The following DMD variants were observed in gnomAD, a reference collection of about 807,000 sequenced individuals.
DMD encodes the protein mutant dystrophin.
A neutral mutation model predicts 330.1 loss-of-function variants in DMD; 63 were observed. The observed-to-expected ratio is 0.19, with a 90% CI of 0.16 to 0.24. The LOEUF (loss-of-function observed/expected upper bound fraction) is 0.24. Among genes scored for constraint, DMD ranks in the 10% least tolerant of loss-of-function variants. The probability of loss-of-function intolerance (pLI) is 1.00; values close to 1 mark genes in which losing one functional copy is unlikely to be tolerated. For synonymous variants in DMD, 1,223 were observed against 959.8 expected (o/e 1.27, Z -5.07); for missense variants, 3,344 against 2,684.1 (o/e 1.25, Z -5.43).
chrX:31,218,805 T>C (rs1398309524), intron 64 of DMD, among the ~76,000 whole-genome samples: 1 of 111,636 alleles, frequency 9.0e-6, no homozygotes, highest in East Asian at 2.8e-4. Flanking sequence ...CTGCAGATCC[T>C]CTGGTTGAAC....
At chrX:31,564,841 C>A (rs1467636633) in intron 55 of DMD, among the ~76,000 whole-genome samples, 1 of 111,722 alleles carries the variant, frequency 9.0e-6, no homozygotes, top group Non-Finnish European at 1.9e-5. Flanking sequence ...TTCAACATTG[C>A]TTGAAGTAAT....
intron 64 of DMD, among the ~76,000 whole-genome samples, chrX:31,220,955 T>C (rs1602907609): frequency 9.6e-6 from 1 of 103,667 alleles, no homozygotes. Context: ...TAGTGTATTT[T>C]ATGTGGGGTC....
chrX:31,124,575 T>G (rs1400437489), intron 78 of DMD, among the ~76,000 whole-genome samples: 1 of 111,977 alleles, frequency 8.9e-6, no homozygotes, highest in Non-Finnish European at 1.9e-5. Flanking sequence ...GATTCAGGCA[T>G]TTGCAATCAC....
chrX:33,286,575 T>C (rs771908227), intron 1 of DMD, among the ~76,000 whole-genome samples: 19 of 112,736 alleles, frequency 1.7e-4, no homozygotes, highest in African/African-American at 6.1e-4. Context: ...TGTTCATTAA[T>C]TTAGCTCAAT....
chrX:32,999,081 A>G (rs2093205399), intron 2 of DMD, among the ~76,000 whole-genome samples: 1 of 112,560 alleles, frequency 8.9e-6, no homozygotes, highest in Admixed American at 9.4e-5. Context: ...CAGAACCAGA[A>G]AACAAACAAA....
chrX:31,738,362 A>C (rs1267541457), intron 51 of DMD, among the ~76,000 whole-genome samples: 1 of 112,041 alleles, frequency 8.9e-6, no homozygotes, highest in Non-Finnish European at 1.9e-5. Flanking sequence ...TGAAAATCAA[A>C]ATTACAATGA....
chrX:31,610,189 T>A (rs1471151525), intron 55 of DMD, among the ~76,000 whole-genome samples: 1 of 111,254 alleles, frequency 9.0e-6, no homozygotes, highest in African/African-American at 3.3e-5. Flanking sequence ...ATCACATTCA[T>A]AAGTCAATAT....
chrX:33,270,544 GT>G (rs11356194), intron 1 of DMD, among the ~76,000 whole-genome samples: 21,907 of 110,895 alleles, frequency 0.2, 2,886 homozygotes, highest in African/African-American at 0.46. Flanking sequence ...ACAACAGAGA[GT>G]TAAGTGCCTT....
At position 32,628,492 on chromosome X, in the gene DMD, A is replaced by G. The variant is rs1390887330; in HGVS notation, c.1332-14039T>C. 5.6e-5 allele frequency among the ~76,000 whole-genome samples: 6 copies of G among 107,055 alleles called. No homozygotes were observed. The Admixed American group carries it at 6.1e-4, about 11-fold the overall frequency. The allele number at this position is 107,055 out of a possible 115,157, so 93.0% of individuals were successfully genotyped here. A position where few individuals can be genotyped will look rare whatever the true frequency, so the allele number is the denominator to read the frequency against. ...TCTTTTTGTTTTGTTGATCTTTTGT[A>G]TCATTTTGTTGTACTTTAATGTATT... On this transcript the variant is annotated intron_variant, in intron 11 of 78. Transcript: ENST00000357033.
intron 2 of DMD, among the ~76,000 whole-genome samples, chrX:32,933,143 T>C (rs1037240472): frequency 3.0e-5 from 3 of 98,985 alleles, no homozygotes; most frequent in Non-Finnish European, 4.1e-5. Context: ...TAAGAATGTA[T>C]TTTTAAAAAA....
rs189700969 is a variant in DMD, at chrX:31,405,145, G to T, written c.9084+39336C>A. Among the ~76,000 whole-genome samples the T allele has an allele frequency of 5.4e-5, 6 of 111,968 alleles. No individual in the cohort carries two copies. The East Asian group carries it at 1.1e-3, about 21-fold the overall frequency. The stretch of plus-strand genomic sequence containing the variant: ...CTTATTGATTTAAATTAAGATTTCA[G>T]TTGTGCTTAAGAAACATGTAATGAC... On this transcript the variant is annotated intron_variant, in intron 60 of 78. Transcript: ENST00000357033.
chrX:32,465,636 AGT>A (rs1329801259), intron 23 of DMD, among the ~76,000 whole-genome samples: 7 of 85,493 alleles, frequency 8.2e-5, no homozygotes, highest in Non-Finnish European at 1.1e-4. Flanking sequence ...CCCAGGCTGG[AGT>A]GAAGTGGCAC....
chrX:32,694,005 G>A (rs1303836004), intron 9 of DMD, among the ~76,000 whole-genome samples: 1 of 111,932 alleles, frequency 8.9e-6, no homozygotes, highest in South Asian at 3.7e-4. Context: ...GTACCCTACT[G>A]TTTTCCTAAA....
At chrX:32,616,360 T>A (rs757959007) in intron 11 of DMD, among the ~76,000 whole-genome samples, 1 of 111,316 alleles carries the variant, frequency 9.0e-6, no homozygotes, top group East Asian at 2.8e-4. Flanking sequence ...TTGGAGTTTT[T>A]TCTGCATTGG....
chrX:33,217,646 A>C (rs942581073), intron 1 of DMD, among the ~76,000 whole-genome samples: 1 of 111,838 alleles, frequency 8.9e-6, no homozygotes, highest in African/African-American at 3.2e-5. Context: ...TATGAGATCT[A>C]CCCAACGAAC....
chrX:32,298,095 G>A (rs1434799211), intron 42 of DMD, among the ~76,000 whole-genome samples: 1 of 109,463 alleles, frequency 9.1e-6, no homozygotes, highest in East Asian at 2.9e-4. Flanking sequence ...GGAGCATTGG[G>A]GGTTTTGAAC....
intron 16 of DMD, among the ~76,000 whole-genome samples, chrX:32,551,148 C>A (rs1174824735): frequency 9.0e-6 from 1 of 110,895 alleles, no homozygotes; most frequent in Non-Finnish European, 1.9e-5. Context: ...GAAGCATTGT[C>A]CTGATACCAA....
intron 52 of DMD, among the ~76,000 whole-genome samples, chrX:31,708,697 A>T (rs1359788740): frequency 8.9e-6 from 1 of 111,971 alleles, no homozygotes; most frequent in Non-Finnish European, 1.9e-5. Flanking sequence ...CCAAAAATTA[A>T]TGTTTTAATA....
intron 55 of DMD, among the ~76,000 whole-genome samples, chrX:31,567,597 C>T (rs959651866): frequency 9.0e-6 from 1 of 111,263 alleles, no homozygotes; most frequent in Non-Finnish European, 1.9e-5. Context: ...TAAACTTTGA[C>T]GCATGTTATT....
Sources: allele counts gnomAD v4.1 joint callset (sites outside exome capture counted in the v4.1 genomes callset), GRCh38; gene constraint gnomAD v4.1.1; transcripts MANE v1.5; gene names NCBI Gene and HGNC (gene_info 2026-07-23, HGNC 2026-07-21).